The following TSPEAR variants were observed in gnomAD, a reference collection of about 807,000 sequenced individuals.
TSPEAR encodes thrombospondin-type laminin G domain and EAR repeat-containing protein.
In TSPEAR, 69 loss-of-function variants were observed where a neutral mutation model predicts 71.6. The ratio of observed to expected loss-of-function variants is 0.96; its 90% confidence interval spans 0.79 to 1.18. The LOEUF is 1.18. Ranked by LOEUF, TSPEAR falls within the 50% of genes most tolerant of loss-of-function variation. The pLI, the probability that TSPEAR is intolerant of heterozygous loss-of-function variation, is 0.00. For synonymous variants in TSPEAR, 402 were observed against 387.2 expected (o/e 1.04, Z -0.45); for missense variants, 971 against 894.9 (o/e 1.09, Z -1.09).
intron 2 of TSPEAR, among the ~76,000 whole-genome samples, chr21:44,559,608 T>C (rs1429308591): frequency 6.6e-6 from 1 of 152,204 alleles, no homozygotes; most frequent in Non-Finnish European, 1.5e-5. Flanking sequence ...GTATTAGTTC[T>C]ACTGTTGGCT....
intron 9 of TSPEAR, among the ~76,000 whole-genome samples, chr21:44,514,283 T>C (rs369915827): frequency 6.6e-6 from 1 of 152,224 alleles, no homozygotes; most frequent in Non-Finnish European, 1.5e-5. Flanking sequence ...CATGGCTGCC[T>C]GCCGGGCACC....
chr21:44,711,340 G>T lies in TSPEAR; in HGVS notation c.82+93C>A. 1 of 1,206,580 alleles carries T rather than the reference G, an allele frequency of 8.3e-7. No homozygotes were observed. Among genetic ancestry groups the T allele is most frequent in the South Asian group, 1.5e-5 (1 of 68,110 alleles). The allele number at this position is 1,206,580 out of a possible 1,614,324, so 74.7% of individuals were successfully genotyped here. ...AAAGCGTCCTCGGGCACCGCGGCTT[G>T]AATCAGTGTTAGAAAGTGGCATTTG... On this transcript the variant is annotated intron_variant, in intron 1 of 11. Coordinates refer to ENST00000323084, the MANE Select transcript of TSPEAR (RefSeq NM_144991.3). This position sits in a 1 kb window ranked among gnomAD's most constrained non-coding sequence, Gnocchi z 4.5.
chr21:44,560,794 G>C (rs2053621123), intron 2 of TSPEAR, among the ~76,000 whole-genome samples: 1 of 152,124 alleles, frequency 6.6e-6, no homozygotes, highest in African/African-American at 2.4e-5. Flanking sequence ...TGAGAACAAA[G>C]AGACAATGTC....
Position 44,623,036 on chromosome 21 carries a change from A to G in TSPEAR, c.83-55031T>C, listed in dbSNP as rs1555933773. Among the ~76,000 whole-genome samples, 1 of 152,156 alleles carries G rather than the reference A, an allele frequency of 6.6e-6. No individual in the cohort carries two copies. Among genetic ancestry groups the G allele is most frequent in the African/African-American group, 2.4e-5 (1 of 41,420 alleles). On this transcript the variant is annotated intron_variant, in intron 1 of 11. Transcript: ENST00000323084. This position sits in a 1 kb window ranked among gnomAD's most constrained non-coding sequence, Gnocchi z 4.5. ...GCCCACTCCCCCTTCACCTTCCACC[A>G]TGAGCAAAGCCCCCTGAGGCCTCCC...
At chr21:44,580,661 G>C in intron 1 of TSPEAR, 1 of 1,407,796 alleles carries the variant, frequency 7.1e-7, no homozygotes, top group Non-Finnish European at 9.8e-7. Flanking sequence ...GGGAGTGAGT[G>C]AGTGAGGTGC....
chr21:44,513,077 T>G (rs1477049563), intron 9 of TSPEAR, among the ~76,000 whole-genome samples: 1 of 152,226 alleles, frequency 6.6e-6, no homozygotes, highest in Non-Finnish European at 1.5e-5. Context: ...GAAACATACT[T>G]TGGCAAAAAG....
intron 1 of TSPEAR, chr21:44,686,466 T>G (rs1190245558): frequency 6.7e-6 from 1 of 150,008 alleles, no homozygotes; most frequent in Non-Finnish European, 1.5e-5. Flanking sequence ...CCCCGCACCG[T>G]GCAGCTCTGC....
chr21:44,550,396 G>GTGAC lies in TSPEAR; in HGVS notation c.304-16477_304-16474dup, dbSNP rs1555918363. 6 of 586,170 alleles carry GTGAC rather than the reference G, an allele frequency of 1.0e-5. No homozygotes were observed. In the Admixed American group the frequency reaches 1.2e-4, roughly 12 times the overall value. 36.3% of individuals were successfully genotyped at this position (586,170 alleles called of 1,614,324 possible). A position where few individuals can be genotyped will look rare whatever the true frequency, so the allele number is the denominator to read the frequency against. ...CTTTATTGGTGCTCAGAGGCAGAGG[G>GTGAC]TGACGCTCCTGGGGGTGAGACCCAG... On this transcript the variant is annotated intron_variant, in intron 2 of 11. Transcript: ENST00000323084.
chr21:44,597,282 T>C (rs1327545229), intron 1 of TSPEAR, among the ~76,000 whole-genome samples: 2 of 152,120 alleles, frequency 1.3e-5, no homozygotes, highest in Non-Finnish European at 2.9e-5. Flanking sequence ...TTTAGCTTTA[T>C]ACATTTCTTT....
At chr21:44,677,438 C>T in intron 1 of TSPEAR, 1 of 920,076 alleles carries the variant, frequency 1.1e-6, no homozygotes, top group Non-Finnish European at 1.8e-6. Context: ...TTGCAGTTTG[C>T]CTCAGAGCAT....
At chr21:44,528,619 G>T in intron 5 of TSPEAR, 36 bp from the exon 6 acceptor site, 1 of 1,610,204 alleles carries the variant, frequency 6.2e-7, no homozygotes, top group Non-Finnish European at 8.5e-7. Flanking sequence ...TTTCCAGCAA[G>T]CCAGTGCCCC....
rs782448563 is a variant in TSPEAR at position 44,499,888 on chromosome 21, G to A, written c.1905C>T (p.Val635=). The change falls in exon 12 of 12, where the codon GTC becomes GTT. Residue 635 remains valine (V), a synonymous_variant. Transcript: ENST00000323084. ...GFVAVHSLPT[V]GCRDWEAFST... ...TGAAGGCCTCCCAGTCCCTGCAGCC[G>A]ACGGTGGGGAGGCTGTGCACCGCCA... 4.0e-5 allele frequency: 64 copies of A among 1,607,408 alleles called. No individual in the cohort carries two copies. The highest frequency in any genetic ancestry group is 4.8e-5 in the Non-Finnish European group (56 of 1,177,996).
intron 1 of TSPEAR, chr21:44,638,056 C>G: frequency 6.2e-7 from 1 of 1,613,298 alleles, no homozygotes; most frequent in South Asian, 1.1e-5. Context: ...GTGCCTCTGC[C>G]TCCTCCTGCC....
chr21:44,499,788 G>A lies in TSPEAR; in HGVS notation c.2005C>T (p.Arg669Cys), dbSNP rs587747198. Residue 669 changes from arginine to cysteine, a missense_variant, in exon 12 of 12, where the codon CGC (arginine) becomes TGC (cysteine). Arg to Cys is a radical substitution (Grantham distance 180, BLOSUM62 -3). Transcript: ENST00000323084. ...PLSRVLRLRT[R>C] ...GCTGCCGGGCAGCCGCGGCCTCAGC[G>A]TGTCCTCAGCCGCAGGACCCTGGAG... 1.7e-5 allele frequency: 27 copies of A among 1,566,154 alleles called. No homozygotes were observed. The South Asian group carries it at 1.9e-4, about 11-fold the overall frequency.
intron 7 of TSPEAR, 138 bp from the exon 8 acceptor site, chr21:44,525,977 C>T: frequency 1.3e-6 from 1 of 791,274 alleles, no homozygotes; most frequent in Non-Finnish European, 2.1e-6. Flanking sequence ...GACCGAGGCC[C>T]CCGCATTACA....
chr21:44,637,915 T>A lies in TSPEAR; in HGVS notation c.83-69910A>T, dbSNP rs149762795. The stretch of plus-strand genomic sequence containing the variant: ...TGCCTGTGTGCTCTGGGGCTTCCAC[T>A]TCATGCTGCCAGCAGTCTAGCTGCC... On this transcript the variant is annotated intron_variant, in intron 1 of 11. Transcript: ENST00000323084. The A allele has an allele frequency of 0.012, 18,580 of 1,607,806 alleles. 148 individuals carry two copies. The highest frequency in any genetic ancestry group is 0.014 in the Non-Finnish European group (16,266 of 1,176,928).
At chr21:44,601,088 G>T (rs587595404) in intron 1 of TSPEAR, 1 of 1,609,724 alleles carries the variant, frequency 6.2e-7, no homozygotes, top group East Asian at 2.3e-5. Context: ...CAGGCCTGCT[G>T]TGTGCCCATC....
In TSPEAR at chr21:44,577,272, T is replaced by C. The variant is rs77789194; in HGVS notation, c.83-9267A>G. Among the ~76,000 whole-genome samples the C allele has an allele frequency of 4.9e-3, 745 of 152,244 alleles. 14 individuals carry two copies. Among genetic ancestry groups the C allele is most frequent in the African/African-American group, 0.017 (709 of 41,552 alleles). ...AAAATAACTAGAAATAATAAAATAATCAAGAATTTAAAAACTCCACTGTGT... is the reference window on the plus strand; with the variant it reads ...AAAATAACTAGAAATAATAAAATAACCAAGAATTTAAAAACTCCACTGTGT... On this transcript the variant is annotated intron_variant, in intron 1 of 11. Transcript: ENST00000323084.
chr21:44,575,076 G>T lies in TSPEAR; in HGVS notation c.83-7071C>A. ...CAGGCTCAGGTCCCACCTGAAAGCT[G>T]ATAGTCGCGTCCTGAATTGCTCCTG... On this transcript the variant is annotated intron_variant, in intron 1 of 11. Transcript: ENST00000323084. The T allele has an allele frequency of 2.0e-6, 3 of 1,479,776 alleles. No homozygotes were observed. In the Admixed American group the frequency reaches 6.2e-5, roughly 31 times the overall value. 91.7% of individuals were successfully genotyped at this position (1,479,776 alleles called of 1,614,324 possible).
Sources: allele counts gnomAD v4.1 joint callset (sites outside exome capture counted in the v4.1 genomes callset), GRCh38; gene constraint gnomAD v4.1.1; non-coding constraint Gnocchi (gnomAD v3.1); transcripts MANE v1.5; gene names NCBI Gene and HGNC (gene_info 2026-07-23, HGNC 2026-07-21).